CADPS: variants seen among roughly 807,000 people sequenced by gnomAD.
The protein encoded by CADPS is calcium dependent secretion activator.
CADPS carries 57 observed loss-of-function variants against 167.3 expected under a neutral mutation model. That is an observed-to-expected ratio of 0.34 (90% CI 0.28 to 0.42). The LOEUF is 0.42. Among genes scored for constraint, CADPS ranks in the 20% least tolerant of loss-of-function variants. The probability of loss-of-function intolerance (pLI) is 1.00; values close to 1 mark genes in which losing one functional copy is unlikely to be tolerated. For missense variants in CADPS, 1,414 were observed against 1,738.1 expected (o/e 0.81, Z 3.32); for synonymous variants, 676 against 635.3 (o/e 1.06, Z -0.96).
chr3:62,550,974 C>T, intron 10 of CADPS: 1 of 455,246 alleles, frequency 2.2e-6, no homozygotes, highest in South Asian at 1.6e-5. Flanking sequence ...TCCTCCTCCT[C>T]CTCTTCCTGA....
rs2061309272 is a variant in CADPS, at chr3:62,476,234, G to A, written c.3330-1914C>T. ...ACCTATGAAACAATGTCCTTGCTAT[G>A]TTGGCTTAGAACAAGGGACACAGAA... On this transcript the variant is annotated intron_variant, in intron 23 of 29. Coordinates refer to ENST00000383710, the MANE Select transcript of CADPS (RefSeq NM_003716.4). Among the ~76,000 whole-genome samples the A allele has an allele frequency of 2.0e-5, 3 of 152,196 alleles. No individual in the cohort carries two copies. The South Asian group carries it at 6.2e-4, about 31-fold the overall frequency.
intron 1 of CADPS, among the ~76,000 whole-genome samples, chr3:62,822,907 G>T (rs2073273060): frequency 6.6e-6 from 1 of 151,994 alleles, no homozygotes; most frequent in African/African-American, 2.4e-5. Context: ...TGGCTGATCG[G>T]ACATTTCAGG....
At chr3:62,795,921 A>C (rs11921997) in intron 1 of CADPS, among the ~76,000 whole-genome samples, 3,749 of 152,276 alleles carry the variant, frequency 0.025, 55 homozygotes, top group East Asian at 0.055. Flanking sequence ...CAACATCAAC[A>C]GGGGTACAGA....
At chr3:62,673,429 TGGG>T (rs1307978975) in intron 3 of CADPS, among the ~76,000 whole-genome samples, 10 of 152,146 alleles carry the variant, frequency 6.6e-5, no homozygotes, top group Non-Finnish European at 1.3e-4. Flanking sequence ...ACTAAAGTGG[TGGG>T]AATAATAGAG....
chr3:62,453,751 C>A (rs2058359707), intron 26 of CADPS, among the ~76,000 whole-genome samples: 1 of 152,132 alleles, frequency 6.6e-6, no homozygotes. Flanking sequence ...AAAACACAAC[C>A]CTTAAAGTAT....
At chr3:62,646,355 A>G (rs1412739837) in intron 5 of CADPS, among the ~76,000 whole-genome samples, 1 of 151,102 alleles carries the variant, frequency 6.6e-6, no homozygotes, top group Non-Finnish European at 1.5e-5. Context: ...TATTTTTAGT[A>G]GAGACAGAGT....
At chr3:62,564,195 G>C (rs1283052956) in intron 9 of CADPS, among the ~76,000 whole-genome samples, 1 of 152,042 alleles carries the variant, frequency 6.6e-6, no homozygotes. Flanking sequence ...AAGAGATGGG[G>C]TTTCACCATG....
At chr3:62,548,181 G>A (rs2076798466) in intron 11 of CADPS, among the ~76,000 whole-genome samples, 1 of 152,034 alleles carries the variant, frequency 6.6e-6, no homozygotes, top group Non-Finnish European at 1.5e-5. Context: ...TTACAAAGGA[G>A]CATGTTGCCC....
intron 3 of CADPS, among the ~76,000 whole-genome samples, chr3:62,720,122 T>C (rs1175079191): frequency 1.3e-5 from 2 of 152,168 alleles, no homozygotes; most frequent in Non-Finnish European, 2.9e-5. Flanking sequence ...CACAGTACAA[T>C]GTAGCTTACC....
intron 10 of CADPS, among the ~76,000 whole-genome samples, chr3:62,555,940 GA>G (rs2078070891): frequency 6.6e-6 from 1 of 151,876 alleles, no homozygotes; most frequent in Admixed American, 6.6e-5. Flanking sequence ...TTTTTGTATA[GA>G]TGATGTCTGG....
intron 8 of CADPS, among the ~76,000 whole-genome samples, chr3:62,575,210 CAT>C (rs1231441070): frequency 6.6e-6 from 1 of 152,058 alleles, no homozygotes; most frequent in African/African-American, 2.4e-5. Context: ...TCATAGAACC[CAT>C]AGAGTGTAAT....
intron 6 of CADPS, among the ~76,000 whole-genome samples, chr3:62,594,405 C>T (rs909785206): frequency 6.6e-6 from 1 of 152,090 alleles, no homozygotes; most frequent in African/African-American, 2.4e-5. Flanking sequence ...TCGTGATCCG[C>T]CCGCCTCGGC....
At chr3:62,608,171 C>A (rs991076787) in intron 6 of CADPS, among the ~76,000 whole-genome samples, 2 of 151,998 alleles carry the variant, frequency 1.3e-5, no homozygotes, top group African/African-American at 4.8e-5. Flanking sequence ...AAGTTCACCA[C>A]AAGGCCTAGT....
At chr3:62,598,155 T>C (rs2059186874) in intron 6 of CADPS, among the ~76,000 whole-genome samples, 1 of 152,160 alleles carries the variant, frequency 6.6e-6, no homozygotes, top group African/African-American at 2.4e-5. Context: ...AATTTCGAGA[T>C]GGCAACAAAA....
intron 6 of CADPS, among the ~76,000 whole-genome samples, chr3:62,629,555 A>T (rs1467691349): frequency 6.6e-6 from 1 of 152,234 alleles, no homozygotes; most frequent in African/African-American, 2.4e-5. Context: ...TTACAAAGCT[A>T]TTAAGTACCC....
chr3:62,694,574 G>A lies in CADPS; in HGVS notation c.889-32180C>T, dbSNP rs983080377. On this transcript the variant is annotated intron_variant, in intron 3 of 29. Transcript: ENST00000383710. ...AAATCAGTCCTCATTGTAATATTCT[G>A]GAAATGAATTTGCCTTCTTGGTGTA... Among the ~76,000 whole-genome samples, 7 of 152,064 alleles carry A rather than the reference G, an allele frequency of 4.6e-5. 1 individual carries two copies. In the South Asian group the frequency reaches 1.0e-3, roughly 23 times the overall value.
intron 1 of CADPS, among the ~76,000 whole-genome samples, chr3:62,775,412 AGTTAT>A (rs1344114948): frequency 2.0e-5 from 3 of 152,154 alleles, no homozygotes; most frequent in Non-Finnish European, 4.4e-5. Context: ...GAATTCAGTG[AGTTAT>A]GTTAATTTTC....
At chr3:62,486,681 C>T (rs1472522209) in intron 21 of CADPS, among the ~76,000 whole-genome samples, 1 of 152,128 alleles carries the variant, frequency 6.6e-6, no homozygotes, top group Non-Finnish European at 1.5e-5. Context: ...TTCTTGGCTT[C>T]ACCCAGGAAA....
At chr3:62,778,983 C>CAGG (rs2090992842) in intron 1 of CADPS, among the ~76,000 whole-genome samples, 1 of 151,840 alleles carries the variant, frequency 6.6e-6, no homozygotes, top group Non-Finnish European at 1.5e-5. Context: ...CTCCACCTGC[C>CAGG]GGGTTCAAGC....
Sources: gnomAD v4.1 joint callset for allele counts (sites outside exome capture counted in the v4.1 genomes callset) on GRCh38, gnomAD v4.1.1 for gene constraint, MANE v1.5 for transcripts, NCBI Gene and HGNC (gene_info 2026-07-23, HGNC 2026-07-21) for gene names.